SRGAP1: variants seen among roughly 807,000 people sequenced by gnomAD.
SRGAP1 encodes the protein SLIT-ROBO Rho GTPase-activating protein 1.
In SRGAP1, 43 loss-of-function variants were observed where a neutral mutation model predicts 121.9. That is an observed-to-expected ratio of 0.35 (90% CI 0.28 to 0.46). The LOEUF (loss-of-function observed/expected upper bound fraction) is 0.46. SRGAP1 is among the 20% of genes least tolerant of loss of function. The pLI, the probability that SRGAP1 is intolerant of heterozygous loss-of-function variation, is 1.00. For synonymous variants in SRGAP1, 447 were observed against 485.4 expected (o/e 0.92, Z 1.04); for missense variants, 1,102 against 1,350.9 (o/e 0.82, Z 2.89).
intron 1 of SRGAP1, among the ~76,000 whole-genome samples, chr12:63,959,174 C>A (rs916176495): frequency 3.9e-5 from 6 of 152,134 alleles, no homozygotes; most frequent in African/African-American, 1.4e-4. Flanking sequence ...CTACCCTAAT[C>A]GTCTGATTTA....
intron 1 of SRGAP1, among the ~76,000 whole-genome samples, chr12:63,868,391 A>G (rs1489878266): frequency 4.6e-5 from 7 of 151,634 alleles, no homozygotes; most frequent in South Asian, 2.1e-4. Flanking sequence ...CTGTCTATAT[A>G]TTTTTACAGG....
chr12:63,974,329 G>C (rs1157650314), intron 1 of SRGAP1, among the ~76,000 whole-genome samples: 1 of 152,110 alleles, frequency 6.6e-6, no homozygotes, highest in Non-Finnish European at 1.5e-5. Context: ...ATGAAAAACT[G>C]ACAGTTTTGT....
intron 17 of SRGAP1, among the ~76,000 whole-genome samples, chr12:64,114,928 A>G (rs370623609): frequency 2.6e-5 from 4 of 152,198 alleles, no homozygotes; most frequent in African/African-American, 7.2e-5. Flanking sequence ...AGAAATGTAA[A>G]TGGGCTTTTA....
intron 1 of SRGAP1, among the ~76,000 whole-genome samples, chr12:63,961,720 C>T (rs2032648637): frequency 6.6e-6 from 1 of 152,172 alleles, no homozygotes; most frequent in Non-Finnish European, 1.5e-5. Flanking sequence ...TAGAATTCCA[C>T]AGAGAATAAA....
chr12:63,953,824 T>C (rs1350998300), intron 1 of SRGAP1, among the ~76,000 whole-genome samples: 3 of 152,226 alleles, frequency 2.0e-5, no homozygotes, highest in African/African-American at 2.4e-5. Flanking sequence ...AACTGGTTCA[T>C]GTCAGCACTT....
intron 1 of SRGAP1, among the ~76,000 whole-genome samples, chr12:63,977,675 CTTT>C (rs201134788): frequency 6.6e-6 from 1 of 150,838 alleles, no homozygotes; most frequent in South Asian, 2.1e-4. Flanking sequence ...ACCATTTTTT[CTTT>C]TTTTTTAACA....
At chr12:63,946,919 TCTTTTA>T (rs2032068387) in intron 1 of SRGAP1, among the ~76,000 whole-genome samples, 1 of 152,224 alleles carries the variant, frequency 6.6e-6, no homozygotes, top group Non-Finnish European at 1.5e-5. Flanking sequence ...CAGTCTTGCT[TCTTTTA>T]CTTAGCAAAG....
intron 15 of SRGAP1, among the ~76,000 whole-genome samples, chr12:64,098,337 C>T (rs985912206): frequency 5.3e-5 from 8 of 150,904 alleles, no homozygotes; most frequent in African/African-American, 2.0e-4. Context: ...CCTGGCCCTG[C>T]ATTCTCACAC....
intron 3 of SRGAP1, among the ~76,000 whole-genome samples, chr12:63,999,828 T>C (rs2033824663): frequency 6.6e-6 from 1 of 151,578 alleles, no homozygotes; most frequent in South Asian, 2.1e-4. Flanking sequence ...ATCTTGGGAG[T>C]AGCTGAGATA....
intron 18 of SRGAP1, among the ~76,000 whole-genome samples, chr12:64,124,073 A>G (rs2036649803): frequency 6.6e-6 from 1 of 152,204 alleles, no homozygotes; most frequent in Admixed American, 6.5e-5. Context: ...AAAATTATCC[A>G]AAGCAAAAAG....
At chr12:63,852,861 A>G (rs1284472609) in intron 1 of SRGAP1, among the ~76,000 whole-genome samples, 2 of 152,148 alleles carry the variant, frequency 1.3e-5, no homozygotes, top group Non-Finnish European at 2.9e-5. Context: ...GATATTAGAA[A>G]TCATTGTCTG....
At chr12:64,050,879 G>A (rs1194703717) in intron 6 of SRGAP1, among the ~76,000 whole-genome samples, 1 of 152,058 alleles carries the variant, frequency 6.6e-6, no homozygotes, top group African/African-American at 2.4e-5. Flanking sequence ...GGACCACCAT[G>A]CCCGGCTAAT....
At chr12:64,087,540 C>G (rs1456666409) in intron 11 of SRGAP1, among the ~76,000 whole-genome samples, 1 of 151,970 alleles carries the variant, frequency 6.6e-6, no homozygotes, top group Non-Finnish European at 1.5e-5. Flanking sequence ...TCACGACCAG[C>G]CTGGCCAATG....
At chr12:64,071,551 C>T (rs1045961826) in intron 8 of SRGAP1, among the ~76,000 whole-genome samples, 26 of 152,136 alleles carry the variant, frequency 1.7e-4, no homozygotes, top group African/African-American at 5.6e-4. Flanking sequence ...GAGGCATGTG[C>T]TTGTGAGAAA....
chr12:64,117,556 A>G (rs1438910736), intron 18 of SRGAP1, among the ~76,000 whole-genome samples: 1 of 152,174 alleles, frequency 6.6e-6, no homozygotes, highest in East Asian at 1.9e-4. Context: ...TTTACTTCGC[A>G]TCTCCTTTAA....
chr12:63,919,369 C>T (rs1221844918), intron 1 of SRGAP1, among the ~76,000 whole-genome samples: 2 of 151,856 alleles, frequency 1.3e-5, no homozygotes, highest in African/African-American at 4.8e-5. Flanking sequence ...ATATTTTAAT[C>T]GTTTTAACTT....
intron 4 of SRGAP1, among the ~76,000 whole-genome samples, chr12:64,028,892 T>C (rs1401834561): frequency 6.6e-6 from 1 of 152,204 alleles, no homozygotes; most frequent in African/African-American, 2.4e-5. Context: ...TTGTGTTGCA[T>C]TCGTGAAGCA....
chr12:64,103,234 G>A (rs563490088), intron 15 of SRGAP1, among the ~76,000 whole-genome samples: 4 of 152,152 alleles, frequency 2.6e-5, no homozygotes, highest in African/African-American at 7.2e-5. Flanking sequence ...CACCCTCCTC[G>A]CCCTCCCAAA....
intron 1 of SRGAP1, among the ~76,000 whole-genome samples, chr12:63,929,582 T>TG (rs980099279): frequency 6.6e-6 from 1 of 151,888 alleles, no homozygotes; most frequent in African/African-American, 2.4e-5. Flanking sequence ...CGAGTTTTTT[T>TG]TTTTTTTTTA....
Sources: gnomAD v4.1 joint callset for allele counts (sites outside exome capture counted in the v4.1 genomes callset) on GRCh38, gnomAD v4.1.1 for gene constraint, MANE v1.5 for transcripts, NCBI Gene and HGNC (gene_info 2026-07-23, HGNC 2026-07-21) for gene names.